The following HHAT variants were observed in gnomAD, a reference collection of about 807,000 sequenced individuals.
The protein encoded by HHAT is hedgehog acyltransferase.
Under a neutral mutation model 70.8 loss-of-function variants are expected in HHAT, and 47 were observed. The ratio of observed to expected loss-of-function variants is 0.66; its 90% CI spans 0.53 to 0.85. The LOEUF (loss-of-function observed/expected upper bound fraction) is 0.85, where lower values mean the gene tolerates loss of function less well. Among genes scored for constraint, HHAT ranks in the 40% least tolerant of loss-of-function variants. The pLI, the probability that HHAT is intolerant of heterozygous loss-of-function variation, is 0.00. For missense variants in HHAT, 609 were observed against 604.8 expected, an observed-to-expected ratio of 1.01 and a Z score of -0.07; for synonymous variants, 228 against 247.6, an observed-to-expected ratio of 0.92 and a Z score of 0.74.
chr1:210,397,406 G>A (rs532688782), intron 4 of HHAT, among the ~76,000 whole-genome samples: 2 of 152,212 alleles, frequency 1.3e-5, no homozygotes, highest in Admixed American at 6.5e-5. Flanking sequence ...TGGTGTTTAG[G>A]TGGGTTTTTA....
chr1:210,569,122 C>T (rs1012476441), intron 9 of HHAT, among the ~76,000 whole-genome samples: 2 of 151,986 alleles, frequency 1.3e-5, no homozygotes, highest in Non-Finnish European at 2.9e-5. Context: ...GCCTGTAATC[C>T]CATCACTTTG....
rs3033354 is a variant in HHAT, at chr1:210,334,178, A to ATTTTTTTTTTT, written c.-44+5084_-44+5094dup. 4.3e-3 allele frequency among the ~76,000 whole-genome samples: 431 copies of ATTTTTTTTTTT among 99,946 alleles called. 95 individuals carry two copies. Among genetic ancestry groups the ATTTTTTTTTTT allele is most frequent in the African/African-American group, 9.5e-3 (260 of 27,342 alleles). The allele number at this position is 99,946 out of a possible 152,430, so 65.6% of individuals were successfully genotyped here. A position where few individuals can be genotyped will look rare whatever the true frequency, so the allele number is the denominator to read the frequency against. ...TACTTGCTGGCCACTTTAGCGTGTC[A>ATTTTTTTTTTT]TTTTTTTTTTTTTTTTTTTTGAGAA... On this transcript the variant is annotated intron_variant, in intron 1 of 11. Coordinates refer to ENST00000261458, the MANE Select transcript of HHAT (RefSeq NM_018194.6).
chr1:210,440,226 A>G (rs1161002375), intron 7 of HHAT, among the ~76,000 whole-genome samples: 3 of 151,692 alleles, frequency 2.0e-5, no homozygotes, highest in South Asian at 2.1e-4. Context: ...CAGGGAGGCT[A>G]GTTTGTAGGT....
chr1:210,362,838 T>G lies in HHAT; in HGVS notation c.92-14T>G. ...TAGATTTGTGACTAACGAAGACTTT[T>G]TTTTTTTGGTCAGAACACGAAGAGG... On this transcript the variant is annotated splice_polypyrimidine_tract_variant and intron_variant, in intron 2 of 11. Transcript: ENST00000261458. 6.2e-7 allele frequency: 1 copy of G among 1,612,386 alleles called. No homozygotes were observed. Among genetic ancestry groups the G allele is most frequent in the Non-Finnish European group, 8.5e-7 (1 of 1,178,888 alleles).
intron 2 of HHAT, among the ~76,000 whole-genome samples, chr1:210,351,488 A>C (rs1201243297): frequency 6.6e-6 from 1 of 152,198 alleles, no homozygotes; most frequent in East Asian, 1.9e-4. Context: ...TCTCTTGATC[A>C]GTTTATTCTT....
At chr1:210,537,854 A>G (rs1451948050) in intron 9 of HHAT, among the ~76,000 whole-genome samples, 2 of 152,222 alleles carry the variant, frequency 1.3e-5, no homozygotes, top group Non-Finnish European at 2.9e-5. Flanking sequence ...ACCCTTTTCA[A>G]TTGAAAGAAG....
At chr1:210,457,378 C>A (rs1233016642) in intron 7 of HHAT, among the ~76,000 whole-genome samples, 1 of 151,824 alleles carries the variant, frequency 6.6e-6, no homozygotes, top group Non-Finnish European at 1.5e-5. Context: ...AAGCTTTAAT[C>A]ACAAAAAAAA....
At chr1:210,453,214 T>G (rs1038169529) in intron 7 of HHAT, among the ~76,000 whole-genome samples, 5 of 152,178 alleles carry the variant, frequency 3.3e-5, no homozygotes, top group African/African-American at 1.2e-4. Context: ...CTTTTTCCCC[T>G]CTTTTGAGGC....
At chr1:210,425,111 T>C (rs1410605391) in intron 7 of HHAT, among the ~76,000 whole-genome samples, 3 of 152,086 alleles carry the variant, frequency 2.0e-5, no homozygotes, top group African/African-American at 4.8e-5. Context: ...GATGCTGAGC[T>C]TTTTTTTCCC....
chr1:210,433,374 A>G (rs1371931237), intron 7 of HHAT, among the ~76,000 whole-genome samples: 1 of 151,884 alleles, frequency 6.6e-6, no homozygotes, highest in African/African-American at 2.4e-5. Flanking sequence ...GATTGATACA[A>G]GATTTTGCAT....
At chr1:210,555,811 G>A (rs1157573942) in intron 9 of HHAT, among the ~76,000 whole-genome samples, 1 of 152,192 alleles carries the variant, frequency 6.6e-6, no homozygotes, top group Admixed American at 6.5e-5. Context: ...GGCCTCATTA[G>A]TATGCATGTG....
intron 11 of HHAT, among the ~76,000 whole-genome samples, chr1:210,627,551 C>T (rs1473509956): frequency 6.6e-6 from 1 of 151,950 alleles, no homozygotes; most frequent in Non-Finnish European, 1.5e-5. Context: ...GTGCCCCTGC[C>T]CTGCTGTCTA....
chr1:210,396,379 C>T (rs1415986033), intron 4 of HHAT, among the ~76,000 whole-genome samples: 2 of 152,144 alleles, frequency 1.3e-5, no homozygotes, highest in Non-Finnish European at 2.9e-5. Flanking sequence ...CAAATTAAAA[C>T]CACAACGAGA....
At chr1:210,614,895 A>T (rs1162635827) in intron 10 of HHAT, among the ~76,000 whole-genome samples, 1 of 152,228 alleles carries the variant, frequency 6.6e-6, no homozygotes, top group Non-Finnish European at 1.5e-5. Flanking sequence ...TCTTTATAGC[A>T]GCATGATTTA....
chr1:210,631,010 AT>A, intron 11 of HHAT: 3 of 449,208 alleles, frequency 6.7e-6, no homozygotes, highest in South Asian at 1.6e-5. Flanking sequence ...GTTTATTTTT[AT>A]TTTTTTTACT....
At chr1:210,608,284 T>C (rs1665922700) in intron 10 of HHAT, among the ~76,000 whole-genome samples, 1 of 152,220 alleles carries the variant, frequency 6.6e-6, no homozygotes, top group Non-Finnish European at 1.5e-5. Context: ...GGCCTGCAGT[T>C]ATGAATCATT....
chr1:210,437,756 A>G (rs1034781476), intron 7 of HHAT, among the ~76,000 whole-genome samples: 1 of 151,834 alleles, frequency 6.6e-6, no homozygotes, highest in African/African-American at 2.4e-5. Context: ...GTTCATTTAT[A>G]TGCCTCTTTC....
intron 5 of HHAT, among the ~76,000 whole-genome samples, chr1:210,402,179 G>C (rs3753229): frequency 0.22 from 33,723 of 152,168 alleles, 4,179 homozygotes; most frequent in Admixed American, 0.28. Context: ...CAAGGCCCCA[G>C]CTCCAGGGTC....
chr1:210,418,069 G>A (rs2092777135), intron 6 of HHAT, 85 bp from the exon 7 acceptor site: 1 of 1,279,800 alleles, frequency 7.8e-7, no homozygotes, highest in Admixed American at 1.7e-5. Context: ...AATAATATTT[G>A]TGGGAAGTTT....
Sources: gnomAD v4.1 joint callset for allele counts (sites outside exome capture counted in the v4.1 genomes callset) on GRCh38, gnomAD v4.1.1 for gene constraint, MANE v1.5 for transcripts, NCBI Gene and HGNC (gene_info 2026-07-23, HGNC 2026-07-21) for gene names.